ADCY1: variants seen among roughly 807,000 people sequenced by gnomAD.
ADCY1 encodes adenylate cyclase type 1.
Under a neutral mutation model 105.4 loss-of-function variants are expected in ADCY1, and 28 were observed. The ratio of observed to expected loss-of-function variants is 0.27; its 90% CI spans 0.20 to 0.36. ADCY1 has a LOEUF of 0.36. ADCY1 is among the 10% of genes least tolerant of loss of function. The pLI is 1.00. For synonymous variants in ADCY1, 655 were observed against 623.8 expected (o/e 1.05, Z -0.75); for missense variants, 977 against 1,434.2 (o/e 0.68, Z 5.15).
rs1352118851 is a variant in ADCY1 at position 45,722,975 on chromosome 7, T to TTTTA, written c.*8984_*8987dup. Reference sequence around the variant, plus strand: ...CAAGTAATTGAATAATTTGTCCTATTTTTATTTTAAAAAAAGTGAATGGAC... The same window carrying TTTTA: ...CAAGTAATTGAATAATTTGTCCTATTTTTATTTATTTTAAAAAAAGTGAATGGAC... On this transcript the variant is annotated 3_prime_UTR_variant, in exon 20 of 20. Coordinates refer to ENST00000297323, the MANE Select transcript of ADCY1 (RefSeq NM_021116.4). 6.5e-6 allele frequency: 1 copy of TTTTA among 152,768 alleles called. No individual in the cohort carries two copies. The highest frequency in any genetic ancestry group is 2.4e-5 in the African/African-American group (1 of 41,582). 9.5% of individuals were successfully genotyped at this position (152,768 alleles called of 1,614,324 possible).
chr7:45,678,329 G>A (rs924514107), intron 10 of ADCY1, 66 bp downstream of exon 10: 2 of 1,477,270 alleles, frequency 1.4e-6, no homozygotes, highest in Non-Finnish European at 1.9e-6. Flanking sequence ...GTTCGTGGTT[G>A]TGTTTCTGGG....
intron 8 of ADCY1, among the ~76,000 whole-genome samples, chr7:45,674,766 C>T (rs1363572599): frequency 6.6e-6 from 1 of 152,208 alleles, no homozygotes; most frequent in Non-Finnish European, 1.5e-5. Flanking sequence ...CTTCCTTTTA[C>T]ATTGACTCTT....
In ADCY1 at chr7:45,704,633, G is replaced by A. The variant is rs748812794; in HGVS notation, c.2817+17G>A. ...GGGACCAAGGTGAGTGCAGCCTGGC[G>A]CTGCCTGCTTGGGGACTGGGTCCAA... On this transcript the variant is annotated intron_variant, in intron 17 of 19. Coordinates refer to ENST00000297323, the MANE Select transcript of ADCY1 (RefSeq NM_021116.4). 335 of 1,608,230 alleles carry A rather than the reference G, an allele frequency of 2.1e-4. No homozygotes were observed. The highest frequency in any genetic ancestry group is 2.6e-4 in the Non-Finnish European group (309 of 1,175,492).
At chr7:45,639,178 G>A (rs1225350663) in intron 4 of ADCY1, among the ~76,000 whole-genome samples, 1 of 152,236 alleles carries the variant, frequency 6.6e-6, no homozygotes, top group Non-Finnish European at 1.5e-5. Flanking sequence ...CTCGATAGTA[G>A]CTGATGGTTT....
intron 11 of ADCY1, among the ~76,000 whole-genome samples, chr7:45,683,104 G>A (rs561376394): frequency 6.6e-6 from 1 of 152,272 alleles, no homozygotes; most frequent in South Asian, 2.1e-4. Flanking sequence ...AATGACTGGT[G>A]TCCACAGTAG....
intron 1 of ADCY1, among the ~76,000 whole-genome samples, chr7:45,586,606 T>A (rs1055872166): frequency 6.6e-6 from 1 of 152,180 alleles, no homozygotes; most frequent in Non-Finnish European, 1.5e-5. Flanking sequence ...TACGTTAATT[T>A]AAAAACCCAC....
At chr7:45,641,896 G>A (rs1465687737) in intron 4 of ADCY1, among the ~76,000 whole-genome samples, 3 of 111,068 alleles carry the variant, frequency 2.7e-5, no homozygotes, top group Admixed American at 1.1e-4. Context: ...ACTGCAGTCC[G>A]CAGTCCGGCC....
intron 8 of ADCY1, chr7:45,664,665 G>T: frequency 1.2e-5 from 5 of 433,944 alleles, no homozygotes; most frequent in Non-Finnish European, 1.8e-5. Flanking sequence ...AAACTTGACT[G>T]GATGGTACAC....
chr7:45,607,186 C>T (rs1016121774), intron 2 of ADCY1, among the ~76,000 whole-genome samples: 2 of 152,154 alleles, frequency 1.3e-5, no homozygotes, highest in Non-Finnish European at 2.9e-5. Context: ...TCCTTAGGAA[C>T]GTCGTGTGAC....
intron 11 of ADCY1, among the ~76,000 whole-genome samples, chr7:45,683,933 C>G (rs1584329614): frequency 6.6e-6 from 1 of 152,264 alleles, no homozygotes; most frequent in Non-Finnish European, 1.5e-5. Context: ...GGTGGCCTCC[C>G]TTAGCACACC....
rs994666174 is a variant in ADCY1, at chr7:45,575,844, C to G, written c.639+662C>G. 6.6e-6 allele frequency among the ~76,000 whole-genome samples: 1 copy of G among 152,262 alleles called. No individual in the cohort carries two copies. Among genetic ancestry groups the G allele is most frequent in the Admixed American group, 6.5e-5 (1 of 15,294 alleles). ...CCTTTTCTGCGCCCGAACTTTGTCA[C>G]TGTCTTCCCAGTCGGGCGGGCGAGA... is the stretch of plus-strand genomic sequence containing the variant. On this transcript the variant is annotated intron_variant, in intron 1 of 19. Transcript: ENST00000297323. This position sits in a 1 kb window ranked among gnomAD's most constrained non-coding sequence, Gnocchi z 4.7.
At position 45,657,780 on chromosome 7, in the gene ADCY1, C is replaced by T. The variant is rs566259707; in HGVS notation, c.1202C>T (p.Thr401Met). ...VDLNMRVGLH[T>M]GRVLCGVLGL... is the part of the protein sequence containing the mutation. The stretch of plus-strand genomic sequence containing the variant: ...CTGAACATGCGTGTGGGTCTGCACA[C>T]GGGCAGGGTCCTCTGTGGTGTCCTG... Residue 401 changes from threonine to methionine, a missense_variant, in exon 6 of 20, where the codon ACG becomes ATG. Physicochemically the swap from Thr to Met is moderately conservative, Grantham distance 81. Coordinates refer to ENST00000297323, the MANE Select transcript of ADCY1 (RefSeq NM_021116.4). The T allele has an allele frequency of 2.5e-6, 4 of 1,614,030 alleles. No individual in the cohort carries two copies. The highest frequency in any genetic ancestry group is 2.2e-5 in the East Asian group (1 of 44,874).
Position 45,587,101 on chromosome 7 carries a change from A to T in ADCY1, c.640-5658A>T, listed in dbSNP as rs566365485. On this transcript the variant is annotated intron_variant, in intron 1 of 19. Transcript: ENST00000297323. ...GAGCAAATTCAATAGAGAGGTTTTC[A>T]TACCCAATAGGAGTGATCCTGGGGT... Among the ~76,000 whole-genome samples, 3 of 152,336 alleles carry T rather than the reference A, an allele frequency of 2.0e-5. No individual in the cohort carries two copies. In the East Asian group the frequency reaches 5.8e-4, roughly 29 times the overall value.
At chr7:45,631,145 T>A (rs1794238131) in intron 4 of ADCY1, among the ~76,000 whole-genome samples, 1 of 152,234 alleles carries the variant, frequency 6.6e-6, no homozygotes, top group Admixed American at 6.5e-5. Context: ...GTGGGGTCAG[T>A]GTTGTTAAAA....
chr7:45,644,235 G>A (rs952021043), intron 4 of ADCY1, among the ~76,000 whole-genome samples: 1 of 152,176 alleles, frequency 6.6e-6, no homozygotes, highest in East Asian at 1.9e-4. Context: ...TTTAGAGCTG[G>A]CCCTAGAGCG....
chr7:45,639,066 G>A (rs570034145), intron 4 of ADCY1, among the ~76,000 whole-genome samples: 32 of 152,270 alleles, frequency 2.1e-4, no homozygotes, highest in East Asian at 1.7e-3. Context: ...CCCCTGTGAC[G>A]TGCAGGCTTG....
In ADCY1 at chr7:45,574,533, A is replaced by T. The variant is rs1792259601; in HGVS notation, c.-11A>T. 1 of 968,366 alleles carries T rather than the reference A, an allele frequency of 1.0e-6. No homozygotes were observed. Among genetic ancestry groups the T allele is most frequent in the South Asian group, 4.9e-5 (1 of 20,514 alleles). 60.0% of individuals were successfully genotyped at this position (968,366 alleles called of 1,614,324 possible). A position where few individuals can be genotyped will look rare whatever the true frequency, so the allele number is the denominator to read the frequency against. ...GCGCGCCCGCGGCCGCGGCCGCTGC[A>T]TGGCGCTGAGATGGCGGGGGCGCCG... On this transcript the variant is annotated 5_prime_UTR_variant, in exon 1 of 20. An upstream start codon of the reference 5' UTR is lost. Coordinates refer to ENST00000297323, the MANE Select transcript of ADCY1 (RefSeq NM_021116.4). This position sits in a 1 kb window ranked among gnomAD's most constrained non-coding sequence, Gnocchi z 7.0.
chr7:45,713,869 G>A lies in ADCY1; in HGVS notation c.3234G>A (p.Gly1078=). 1 of 780,816 alleles carries A rather than the reference G, an allele frequency of 1.3e-6. No individual in the cohort carries two copies. Among genetic ancestry groups the A allele is most frequent in the Non-Finnish European group, 2.4e-6 (1 of 418,140 alleles). The allele number at this position is 780,816 out of a possible 1,614,324, so 48.4% of individuals were successfully genotyped here. The change falls in exon 20 of 20, where the codon GGG becomes GGA. Residue 1078 remains glycine, a synonymous_variant. Coordinates refer to ENST00000297323, the MANE Select transcript of ADCY1 (RefSeq NM_021116.4). ...LGLDRKMCPF[G]RAGLQGRRPP... is the part of the protein sequence containing the mutation. Reference sequence around the variant, plus strand: ...TGGATCGGAAAATGTGTCCATTTGGGAGAGCTGGCCTTCAGGGCAGACGTC... The same window carrying A: ...TGGATCGGAAAATGTGTCCATTTGGAAGAGCTGGCCTTCAGGGCAGACGTC...
At chr7:45,671,533 C>G (rs1935278296) in intron 8 of ADCY1, among the ~76,000 whole-genome samples, 1 of 152,094 alleles carries the variant, frequency 6.6e-6, no homozygotes, top group Non-Finnish European at 1.5e-5. Context: ...TATCCCCATC[C>G]CCAGTGTATG....
Sources: allele counts gnomAD v4.1 joint callset (sites outside exome capture counted in the v4.1 genomes callset), GRCh38; gene constraint gnomAD v4.1.1; non-coding constraint Gnocchi (gnomAD v3.1); transcripts MANE v1.5; gene names NCBI Gene and HGNC (gene_info 2026-07-23, HGNC 2026-07-21).